SRRD: variants seen among roughly 807,000 people sequenced by gnomAD.
The protein encoded by SRRD is SRR1-like protein.
SRRD carries 28 observed loss-of-function variants against 30.7 expected under a neutral mutation model. That is an observed-to-expected ratio of 0.91 (90% CI 0.68 to 1.25). The LOEUF (loss-of-function observed/expected upper bound fraction) is 1.25. Ranked by LOEUF, SRRD falls within the 50% of genes most tolerant of loss-of-function variation. SRRD has a pLI of 0.00. For synonymous variants in SRRD, 161 were observed against 159.6 expected, an observed-to-expected ratio of 1.01 and a Z score of -0.07; for missense variants, 415 against 417.3, an observed-to-expected ratio of 0.99 and a Z score of 0.05.
rs368093065 is a variant in SRRD, at chr22:26,491,674, C to G, written c.*2C>G. 1 of 1,607,812 alleles carries G rather than the reference C, an allele frequency of 6.2e-7. No individual in the cohort carries two copies. Among genetic ancestry groups the G allele is most frequent in the African/African-American group, 1.3e-5 (1 of 74,914 alleles). ...GAAGATCCTTCTGCTACTGACTGAA[C>G]TCGTTGTGAGGTACTCAGTGTTGGC... On this transcript the variant is annotated 3_prime_UTR_variant, in exon 7 of 7. Transcript: ENST00000215917.
chr22:26,488,301 A>G lies in SRRD; in HGVS notation c.510+13A>G. On this transcript the variant is annotated intron_variant, in intron 3 of 6. Transcript: ENST00000215917. ...GGAAAAGTGCCAGGTACATTTTTGG[A>G]TTCATTTTCATCTCCTCCTCCTCTG... 1 of 1,612,860 alleles carries G rather than the reference A, an allele frequency of 6.2e-7. No homozygotes were observed. Among genetic ancestry groups the G allele is most frequent in the Non-Finnish European group, 8.5e-7 (1 of 1,178,978 alleles).
At position 26,486,029 on chromosome 22, in the gene SRRD, C is replaced by T; in HGVS notation, c.216C>T (p.Asp72=). 10 of 1,614,072 alleles carry T rather than the reference C, an allele frequency of 6.2e-6. No individual in the cohort carries two copies. The highest frequency in any genetic ancestry group is 8.5e-6 in the Non-Finnish European group (10 of 1,179,992). ...CCATTTTTTTTCTCAACAGGAAGGA[C>T]CTGTTTATCTCTGATTTCTGGAGTT... The part of the protein sequence containing the change: ...VLRRIWEAEK[D]LFISDFWSSA... The change falls in exon 2 of 7, where the codon GAC becomes GAT. Residue 72 remains aspartate, a synonymous_variant. Coordinates refer to ENST00000215917, the MANE Select transcript of SRRD (RefSeq NM_001013694.3).
At position 26,483,945 on chromosome 22, in the gene SRRD, A is replaced by G; in HGVS notation, c.55A>G (p.Lys19Glu). The G allele has an allele frequency of 7.4e-7, 1 of 1,357,328 alleles. No individual in the cohort carries two copies. Among genetic ancestry groups the G allele is most frequent in the Non-Finnish European group, 9.4e-7 (1 of 1,066,056 alleles). 84.1% of individuals were successfully genotyped at this position (1,357,328 alleles called of 1,614,324 possible). ...ATCCTGGCAGGCGGCGGCTCCGCGG[A>G]AGAGGCGCTCCGCGGCTCGACGGCC... ...LESWQAAAPR[K>E]RRSAARRPRR... The change falls in exon 1 of 7, where the codon AAG (lysine) becomes GAG (glutamate). Residue 19 changes from lysine (K) to glutamate (E), a missense_variant. Coordinates refer to ENST00000215917, the MANE Select transcript of SRRD (RefSeq NM_001013694.3).
Position 26,490,043 on chromosome 22 carries a change from G to A in SRRD, c.610-1G>A. ...TACACCTGTGAATATCGTATCCCCA[G>A]GAAGGGAAACGGAGTATTCGCGGGG... is the stretch of plus-strand genomic sequence containing the variant. On this transcript the variant is annotated splice_acceptor_variant, in intron 4 of 6. Transcript: ENST00000215917. LOFTEE classifies it high-confidence loss of function. 2 of 1,613,926 alleles carry A rather than the reference G, an allele frequency of 1.2e-6. No homozygotes were observed. The highest frequency in any genetic ancestry group is 2.7e-5 in the African/African-American group (2 of 75,020).
Position 26,493,866 on chromosome 22 carries a change from C to T in SRRD, c.*2194C>T, listed in dbSNP as rs534123621. On this transcript the variant is annotated 3_prime_UTR_variant, in exon 7 of 7. Transcript: ENST00000215917. ...CCACACAGCACAGTGGTTAAGAGGG[C>T]GGGGCCTGGGGTTAGACTGACATCA... 5 of 422,142 alleles carry T rather than the reference C, an allele frequency of 1.2e-5. No homozygotes were observed. Among genetic ancestry groups the T allele is most frequent in the African/African-American group, 6.1e-5 (3 of 49,518 alleles). The allele number at this position is 422,142 out of a possible 1,614,324, so 26.1% of individuals were successfully genotyped here.
At chr22:26,491,295 T>C in intron 6 of SRRD, 168 bp from the exon 7 acceptor site, 3 of 725,492 alleles carry the variant, frequency 4.1e-6, no homozygotes, top group Non-Finnish European at 6.9e-6. Context: ...ATATCCACTG[T>C]CCTTGGGGCG....
rs1179244740 is a variant in SRRD, at chr22:26,484,083, C to A, written c.193C>A (p.Arg65Ser). ...GTCTGACAGCGGAGTCGTGCTTCGT[C>A]GCATCTGGGAGGCTGAGTGAGTGCA... ...FESDSGVVLR[R>S]IWEAEKDLFI... Residue 65 changes from arginine (R) to serine (S), a missense_variant, in exon 1 of 7, where the codon CGC (arginine) becomes AGC (serine). Transcript: ENST00000215917. 1.3e-6 allele frequency: 2 copies of A among 1,497,244 alleles called. No homozygotes were observed. The highest frequency in any genetic ancestry group is 2.5e-5 in the South Asian group (2 of 81,340). The allele number at this position is 1,497,244 out of a possible 1,614,324, so 92.7% of individuals were successfully genotyped here.
At chr22:26,487,466 TC>T (rs1397702908) in intron 2 of SRRD, among the ~76,000 whole-genome samples, 5 of 152,038 alleles carry the variant, frequency 3.3e-5, no homozygotes, top group African/African-American at 1.2e-4. Context: ...TTCAAGTGAT[TC>T]TTCTGCTTCA....
Position 26,488,222 on chromosome 22 carries a change from C to T in SRRD, c.444C>T (p.Asn148=), listed in dbSNP as rs201575467. ...HLKCVCYGIG[N]FATCIVARNQ... ...AGTGTGTGTGTTACGGCATTGGGAACTTTGCCACCTGCATCGTAGCTAGAA... is the reference window on the plus strand; with the variant it reads ...AGTGTGTGTGTTACGGCATTGGGAATTTTGCCACCTGCATCGTAGCTAGAA... Residue 148 remains asparagine (N), a synonymous_variant, in exon 3 of 7, where the codon AAC becomes AAT. Coordinates refer to ENST00000215917, the MANE Select transcript of SRRD (RefSeq NM_001013694.3). 79 of 1,614,224 alleles carry T rather than the reference C, an allele frequency of 4.9e-5. No homozygotes were observed. In the African/African-American group the frequency reaches 8.8e-4, roughly 18 times the overall value.
In SRRD at chr22:26,492,116, A is replaced by G; in HGVS notation, c.*444A>G. On this transcript the variant is annotated 3_prime_UTR_variant, in exon 7 of 7. Transcript: ENST00000215917. ...GTCGATGTAGATCACAATGCGGCCA[A>G]AGGTGTAGAGCTGCTTCCCTTCGTG... 1 of 1,614,178 alleles carries G rather than the reference A, an allele frequency of 6.2e-7. No individual in the cohort carries two copies. The highest frequency in any genetic ancestry group is 8.5e-7 in the Non-Finnish European group (1 of 1,180,012).
intron 2 of SRRD, 125 bp downstream of exon 2, chr22:26,486,188 T>C: frequency 9.7e-7 from 1 of 1,028,158 alleles, no homozygotes; most frequent in Non-Finnish European, 1.5e-6. Context: ...CCCTTACAGC[T>C]GTATGTCTTT....
In SRRD at chr22:26,491,793, T is replaced by C; in HGVS notation, c.*121T>C. 9.6e-7 allele frequency: 1 copy of C among 1,044,798 alleles called. No homozygotes were observed. The highest frequency in any genetic ancestry group is 1.6e-5 in the South Asian group (1 of 61,944). The allele number at this position is 1,044,798 out of a possible 1,614,324, so 64.7% of individuals were successfully genotyped here. ...CCAGGAAAGAACATCAACTTGGCTG[T>C]CCTGTTTTGAGGACGATACCCCACA... On this transcript the variant is annotated 3_prime_UTR_variant, in exon 7 of 7. Coordinates refer to ENST00000215917, the MANE Select transcript of SRRD (RefSeq NM_001013694.3).
Position 26,493,986 on chromosome 22 carries a change from A to T in SRRD, c.*2314A>T. 1.3e-6 allele frequency: 1 copy of T among 781,790 alleles called. No individual in the cohort carries two copies. The highest frequency in any genetic ancestry group is 2.0e-6 in the Non-Finnish European group (1 of 497,606). 48.4% of individuals were successfully genotyped at this position (781,790 alleles called of 1,614,324 possible). A position where few individuals can be genotyped will look rare whatever the true frequency, so the allele number is the denominator to read the frequency against. The stretch of plus-strand genomic sequence containing the variant: ...TGGGTGCCAGCTGACCATGTACCCC[A>T]GTCAGCAGGGTGAGAGTCTGTTGCT... On this transcript the variant is annotated 3_prime_UTR_variant, in exon 7 of 7. Coordinates refer to ENST00000215917, the MANE Select transcript of SRRD (RefSeq NM_001013694.3).
In SRRD at chr22:26,492,466, T is replaced by C; in HGVS notation, c.*794T>C. On this transcript the variant is annotated 3_prime_UTR_variant, in exon 7 of 7. Coordinates refer to ENST00000215917, the MANE Select transcript of SRRD (RefSeq NM_001013694.3). ...CCAGGTCTTGGGTGTGCCAGAGTGC[T>C]TGTGACTCACTGAAGGGCAGCTCTG... 1 of 1,119,672 alleles carries C rather than the reference T, an allele frequency of 8.9e-7. No homozygotes were observed. Among genetic ancestry groups the C allele is most frequent in the Non-Finnish European group, 1.3e-6 (1 of 765,684 alleles). The allele number at this position is 1,119,672 out of a possible 1,614,324, so 69.4% of individuals were successfully genotyped here. A position where few individuals can be genotyped will look rare whatever the true frequency, so the allele number is the denominator to read the frequency against.
chr22:26,494,073 T>TA lies in SRRD; in HGVS notation c.*2401_*2402insA. 2.5e-6 allele frequency: 4 copies of TA among 1,573,460 alleles called. No homozygotes were observed. The highest frequency in any genetic ancestry group is 3.5e-6 in the Non-Finnish European group (4 of 1,153,182). On this transcript the variant is annotated 3_prime_UTR_variant, in exon 7 of 7. Transcript: ENST00000215917. Reference sequence around the variant, plus strand: ...CAGGAACCAGAAAACTCTGATTCTGTGTCATTTACATGTGTAAAATCTGAA... The same window carrying TA: ...CAGGAACCAGAAAACTCTGATTCTGTAGTCATTTACATGTGTAAAATCTGAA...
At position 26,490,054 on chromosome 22, in the gene SRRD, G is replaced by A. The variant is rs751066675; in HGVS notation, c.620G>A (p.Arg207Gln). ...TVLSENEEGKRSIRGEPTIFY... is the reference protein window; with the variant it reads ...TVLSENEEGKQSIRGEPTIFY... ...ATATCGTATCCCCAGGAAGGGAAAC[G>A]GAGTATTCGCGGGGAGCCTACCATC... The change falls in exon 5 of 7, where the codon CGG becomes CAG. Residue 207 changes from arginine to glutamine, a missense_variant. Physicochemically the swap from Arg to Gln is conservative, Grantham distance 43. Coordinates refer to ENST00000215917, the MANE Select transcript of SRRD (RefSeq NM_001013694.3). 1.7e-5 allele frequency: 28 copies of A among 1,613,872 alleles called. No homozygotes were observed. The highest frequency in any genetic ancestry group is 2.7e-5 in the African/African-American group (2 of 74,914).
chr22:26,485,923 CA>C, intron 1 of SRRD, 99 bp from the exon 2 acceptor site: 1 of 1,402,852 alleles, frequency 7.1e-7, no homozygotes, highest in East Asian at 2.3e-5. Context: ...CATTGCAGGG[CA>C]CCTCATTCTG....
rs750439482 is a variant in SRRD at position 26,491,008 on chromosome 22, T to G, written c.765-17T>G. 8 of 1,602,638 alleles carry G rather than the reference T, an allele frequency of 5.0e-6. No homozygotes were observed. Among genetic ancestry groups the G allele is most frequent in the African/African-American group, 1.4e-5 (1 of 73,950 alleles). On this transcript the variant is annotated splice_polypyrimidine_tract_variant and intron_variant, in intron 5 of 6. Coordinates refer to ENST00000215917, the MANE Select transcript of SRRD (RefSeq NM_001013694.3). ...TGGTGTTTTTTTTTTGTTTTTTTGGTTTTTTTTAATTTCTAGGTTGTTGGC... is the reference window on the plus strand; with the variant it reads ...TGGTGTTTTTTTTTTGTTTTTTTGGGTTTTTTTAATTTCTAGGTTGTTGGC...
At position 26,486,006 on chromosome 22, in the gene SRRD, A is replaced by G; in HGVS notation, c.210-17A>G. The G allele has an allele frequency of 1.2e-6, 2 of 1,613,646 alleles. No individual in the cohort carries two copies. The highest frequency in any genetic ancestry group is 2.2e-5 in the East Asian group (1 of 44,860). The stretch of plus-strand genomic sequence containing the variant: ...GAGATGGGTGGGACATGACTGTGCC[A>G]TTTTTTTTCTCAACAGGAAGGACCT... On this transcript the variant is annotated splice_polypyrimidine_tract_variant and intron_variant, in intron 1 of 6. Coordinates refer to ENST00000215917, the MANE Select transcript of SRRD (RefSeq NM_001013694.3).
Sources: allele counts gnomAD v4.1 joint callset (sites outside exome capture counted in the v4.1 genomes callset), GRCh38; gene constraint gnomAD v4.1.1; transcripts MANE v1.5; gene names NCBI Gene and HGNC (gene_info 2026-07-23, HGNC 2026-07-21).